Variants in ELOVL5 observed in about 807,000 individuals in gnomAD.
ELOVL5 encodes the protein very long chain fatty acid elongase 5.
In ELOVL5, 8 loss-of-function variants were observed where a neutral mutation model predicts 38.6. The observed-to-expected ratio is 0.21, with a 90% confidence interval of 0.12 to 0.37. The LOEUF (loss-of-function observed/expected upper bound fraction) is 0.37, where lower values mean the gene tolerates loss of function less well. Ranked by LOEUF, ELOVL5 falls within the 10% of genes least tolerant of loss-of-function variation. The pLI is 1.00. For synonymous variants in ELOVL5, 127 were observed against 133.7 expected, an observed-to-expected ratio of 0.95 and a Z score of 0.34; for missense variants, 280 against 367.8, an observed-to-expected ratio of 0.76 and a Z score of 1.95.
At chr6:53,335,973 G>C (rs534823147) in intron 1 of ELOVL5, among the ~76,000 whole-genome samples, 2 of 152,256 alleles carry the variant, frequency 1.3e-5, no homozygotes, top group Admixed American at 1.3e-4. Context: ...TACTAGCCCT[G>C]AACCATCCAC....
At chr6:53,344,411 A>T (rs977787451) in intron 1 of ELOVL5, among the ~76,000 whole-genome samples, 1 of 152,158 alleles carries the variant, frequency 6.6e-6, no homozygotes. Flanking sequence ...ACAAACCCAC[A>T]ACAATCCACC....
intron 3 of ELOVL5, among the ~76,000 whole-genome samples, chr6:53,278,005 T>C (rs1240967685): frequency 6.6e-6 from 1 of 152,202 alleles, no homozygotes; most frequent in African/African-American, 2.4e-5. Flanking sequence ...GCAGTAAGGT[T>C]TTCATGAAGA....
chr6:53,292,699 G>A (rs1417461505), intron 2 of ELOVL5, among the ~76,000 whole-genome samples: 1 of 152,230 alleles, frequency 6.6e-6, no homozygotes, highest in Non-Finnish European at 1.5e-5. Flanking sequence ...GCTGAGGTGG[G>A]AGAATCGCTT....
At chr6:53,272,947 T>C (rs1291483984) in intron 6 of ELOVL5, among the ~76,000 whole-genome samples, 5 of 152,218 alleles carry the variant, frequency 3.3e-5, no homozygotes, top group African/African-American at 1.2e-4. Context: ...TATGTGCTTA[T>C]GTGCAAAAAC....
chr6:53,319,849 G>GCAGC (rs1428645296), intron 1 of ELOVL5, among the ~76,000 whole-genome samples: 12 of 152,120 alleles, frequency 7.9e-5, no homozygotes, highest in Non-Finnish European at 1.8e-4. Context: ...TTAATTGTGT[G>GCAGC]CAGCCCTTTG....
At chr6:53,291,991 T>G (rs750807470) in intron 2 of ELOVL5, 28 bp from the exon 3 acceptor site, 2 of 1,370,974 alleles carry the variant, frequency 1.5e-6, no homozygotes, top group African/African-American at 3.0e-5. Context: ...ATTAATGATA[T>G]ATAAAAACAT....
At chr6:53,348,410 C>T (rs1296139889) in intron 1 of ELOVL5, among the ~76,000 whole-genome samples, 1 of 152,160 alleles carries the variant, frequency 6.6e-6, no homozygotes, top group Non-Finnish European at 1.5e-5. Context: ...CCGGCTCTCC[C>T]GCCGCGCGCT....
chr6:53,294,315 G>T, intron 2 of ELOVL5: 1 of 1,573,814 alleles, frequency 6.4e-7, no homozygotes, highest in South Asian at 1.2e-5. Context: ...ATTGTGGCCA[G>T]TGAGTTTTGA....
chr6:53,324,278 A>T (rs1206997912), intron 1 of ELOVL5, among the ~76,000 whole-genome samples: 1 of 151,760 alleles, frequency 6.6e-6, no homozygotes, highest in Non-Finnish European at 1.5e-5. Flanking sequence ...AAAAAAAAGA[A>T]AAAAAAGAAA....
chr6:53,311,811 C>T (rs1267765335), intron 1 of ELOVL5, among the ~76,000 whole-genome samples: 2 of 151,932 alleles, frequency 1.3e-5, no homozygotes, highest in Non-Finnish European at 2.9e-5. Context: ...GCTGGGGAAA[C>T]GAAGGAATGG....
intron 3 of ELOVL5, among the ~76,000 whole-genome samples, chr6:53,284,989 T>C (rs898787595): frequency 2.6e-5 from 4 of 152,192 alleles, no homozygotes; most frequent in African/African-American, 7.2e-5. Flanking sequence ...CTGGCCTCCT[T>C]ATTTCCTGAG....
intron 1 of ELOVL5, among the ~76,000 whole-genome samples, chr6:53,342,718 G>C (rs1347408589): frequency 1.3e-5 from 2 of 152,082 alleles, no homozygotes; most frequent in African/African-American, 4.8e-5. Context: ...AAATAAATCA[G>C]AAATTTTTCC....
At chr6:53,318,303 T>G (rs1473377845) in intron 1 of ELOVL5, among the ~76,000 whole-genome samples, 1 of 152,126 alleles carries the variant, frequency 6.6e-6, no homozygotes, top group Admixed American at 6.5e-5. Flanking sequence ...CCATCTATGA[T>G]TAAGTGGAGT....
chr6:53,271,058 T>C (rs928267385), intron 6 of ELOVL5, among the ~76,000 whole-genome samples: 15 of 152,216 alleles, frequency 9.9e-5, no homozygotes, highest in African/African-American at 3.6e-4. Flanking sequence ...AGGGCACTGA[T>C]AACATCACTG....
At chr6:53,336,768 C>G (rs1236855982) in intron 1 of ELOVL5, among the ~76,000 whole-genome samples, 2 of 152,208 alleles carry the variant, frequency 1.3e-5, no homozygotes, top group African/African-American at 4.8e-5. Flanking sequence ...TTGGTATATT[C>G]TACCTGAAAG....
rs1765808660 is a variant in ELOVL5 at position 53,268,324 on chromosome 6, C to T, written c.*803G>A. The T allele has an allele frequency of 6.6e-6, 1 of 152,158 alleles. No individual in the cohort carries two copies. The highest frequency in any genetic ancestry group is 2.1e-4 in the South Asian group (1 of 4,832). 9.4% of individuals were successfully genotyped at this position (152,158 alleles called of 1,614,324 possible). ...GTTTGCTGTATAAAAACACTTAGCA[C>T]TTCAGAAATTAAAAATGGCCTACTC... On this transcript the variant is annotated 3_prime_UTR_variant, in exon 8 of 8. Coordinates refer to ENST00000304434, the MANE Select transcript of ELOVL5 (RefSeq NM_021814.5).
chr6:53,302,646 TTATAG>T (rs1462778325), intron 1 of ELOVL5, among the ~76,000 whole-genome samples: 1 of 139,816 alleles, frequency 7.2e-6, no homozygotes, highest in African/African-American at 2.5e-5. Flanking sequence ...AAAATATACA[TTATAG>T]TAAAGAGTTG....
At chr6:53,276,425 T>C (rs1581921658) in intron 3 of ELOVL5, among the ~76,000 whole-genome samples, 169 bp from the exon 4 acceptor site, 1 of 152,216 alleles carries the variant, frequency 6.6e-6, no homozygotes, top group Non-Finnish European at 1.5e-5. Context: ...AAAGCTTTAA[T>C]GACTTGAGTC....
chr6:53,295,903 C>G (rs1415702430), intron 1 of ELOVL5, among the ~76,000 whole-genome samples, 196 bp from the exon 2 acceptor site: 1 of 152,172 alleles, frequency 6.6e-6, no homozygotes, highest in Non-Finnish European at 1.5e-5. Flanking sequence ...AGGAAAGACA[C>G]AATTCTGTGA....
Sources: allele counts gnomAD v4.1 joint callset (sites outside exome capture counted in the v4.1 genomes callset), GRCh38; gene constraint gnomAD v4.1.1; transcripts MANE v1.5; gene names NCBI Gene and HGNC (gene_info 2026-07-23, HGNC 2026-07-21).